Variants in LUC7L2 observed in about 807,000 individuals in gnomAD.
The protein encoded by LUC7L2 is putative RNA-binding protein Luc7-like 2.
In LUC7L2, 25 loss-of-function variants were observed where a neutral mutation model predicts 52.8. That is an observed-to-expected ratio of 0.47 (90% confidence interval 0.34 to 0.66). LUC7L2 has a LOEUF of 0.66. LUC7L2 is among the 30% of genes least tolerant of loss of function. The probability of loss-of-function intolerance (pLI) is 0.01; values close to 1 mark genes in which losing one functional copy is unlikely to be tolerated. For synonymous variants in LUC7L2, 144 were observed against 160.9 expected, an observed-to-expected ratio of 0.89 and a Z score of 0.80; for missense variants, 328 against 497.8, an observed-to-expected ratio of 0.66 and a Z score of 3.25.
At chr7:139,361,222 C>T (rs1394110942) in intron 1 of LUC7L2, among the ~76,000 whole-genome samples, 1 of 152,182 alleles carries the variant, frequency 6.6e-6, no homozygotes, top group Non-Finnish European at 1.5e-5. Context: ...AACTTAAATA[C>T]ATTCAAATAT....
chr7:139,376,861 A>C (rs1800738815), intron 2 of LUC7L2, among the ~76,000 whole-genome samples: 1 of 152,214 alleles, frequency 6.6e-6, no homozygotes, highest in Admixed American at 6.5e-5. Context: ...AGCTGGCTTT[A>C]GTTCTCATTT....
chr7:139,392,905 C>T (rs995667046), intron 2 of LUC7L2, among the ~76,000 whole-genome samples: 10 of 151,962 alleles, frequency 6.6e-5, no homozygotes, highest in Non-Finnish European at 1.3e-4. Context: ...CTGCCCGCCT[C>T]GGCCTCACAA....
At chr7:139,345,511 A>C in intron 1 of LUC7L2, 1 of 1,614,216 alleles carries the variant, frequency 6.2e-7, no homozygotes, top group African/African-American at 1.3e-5. Flanking sequence ...GTCACCAGTG[A>C]AAAGTTGTGC....
chr7:139,393,262 G>A (rs1470861263), intron 2 of LUC7L2, among the ~76,000 whole-genome samples: 1 of 151,842 alleles, frequency 6.6e-6, no homozygotes, highest in Admixed American at 6.6e-5. Flanking sequence ...GCGAGACTCT[G>A]TCTCCAAAAA....
upstream of LUC7L2, among the ~76,000 whole-genome samples, chr7:139,357,438 A>C (rs1413577552): frequency 6.6e-6 from 1 of 151,980 alleles, no homozygotes; most frequent in Non-Finnish European, 1.5e-5. Context: ...AAAATAAAAA[A>C]AAGAACTCAA....
At chr7:139,370,560 C>T (rs966703521) in intron 1 of LUC7L2, among the ~76,000 whole-genome samples, 14 of 152,166 alleles carry the variant, frequency 9.2e-5, no homozygotes, top group Admixed American at 2.6e-4. Flanking sequence ...CAGGTTCAAG[C>T]GATTCTCCCA....
chr7:139,388,438 G>A (rs1442176727), intron 2 of LUC7L2, among the ~76,000 whole-genome samples: 1 of 151,994 alleles, frequency 6.6e-6, no homozygotes, highest in Non-Finnish European at 1.5e-5. Flanking sequence ...GCAGCGTTAT[G>A]TATGCACAAT....
chr7:139,372,701 A>C (rs1800514714), intron 1 of LUC7L2, among the ~76,000 whole-genome samples: 2 of 152,098 alleles, frequency 1.3e-5, no homozygotes, highest in African/African-American at 4.8e-5. Flanking sequence ...GCATGTTGGG[A>C]GGCCGAGGTG....
At chr7:139,377,256 G>T (rs976494509) in intron 2 of LUC7L2, among the ~76,000 whole-genome samples, 5 of 151,952 alleles carry the variant, frequency 3.3e-5, no homozygotes, top group African/African-American at 4.8e-5. Context: ...CAGGCTTGGC[G>T]TGCAGTGGCG....
chr7:139,405,559 T>A, intron 4 of LUC7L2, 85 bp from the exon 5 acceptor site: 1 of 1,455,646 alleles, frequency 6.9e-7, no homozygotes, highest in Non-Finnish European at 9.1e-7. Context: ...AGATAACAAG[T>A]TTTTTCTCAG....
chr7:139,377,472 C>T (rs1273360588), intron 2 of LUC7L2, among the ~76,000 whole-genome samples: 1 of 152,140 alleles, frequency 6.6e-6, no homozygotes. Flanking sequence ...TGGCTTATTG[C>T]AGCCTCTGCC....
intron 8 of LUC7L2, among the ~76,000 whole-genome samples, chr7:139,415,776 T>G (rs1795569231): frequency 6.6e-6 from 1 of 151,894 alleles, no homozygotes; most frequent in Non-Finnish European, 1.5e-5. Context: ...GTGCTGGGAT[T>G]ACAGACACAA....
chr7:139,422,361 A>G lies in LUC7L2; in HGVS notation c.*21A>G, dbSNP rs1308114513. Reference sequence around the variant, plus strand: ...TCTAACTAGCTGTGTACATTTCTTCAGTCCTTAAGCTTCCTACGGAGTTAC... The same window carrying G: ...TCTAACTAGCTGTGTACATTTCTTCGGTCCTTAAGCTTCCTACGGAGTTAC... On this transcript the variant is annotated 3_prime_UTR_variant, in exon 10 of 10. Coordinates refer to ENST00000354926, the MANE Select transcript of LUC7L2 (RefSeq NM_016019.5). 6 of 1,595,352 alleles carry G rather than the reference A, an allele frequency of 3.8e-6. No homozygotes were observed. In the Admixed American group the frequency reaches 5.4e-5, roughly 14 times the overall value.
At chr7:139,419,476 T>C (rs1795788565) in intron 9 of LUC7L2, among the ~76,000 whole-genome samples, 1 of 152,254 alleles carries the variant, frequency 6.6e-6, no homozygotes, top group African/African-American at 2.4e-5. Context: ...CTACCCTCAG[T>C]GCAGTGTTCA....
chr7:139,347,231 A>T (rs1287900447), intron 1 of LUC7L2, among the ~76,000 whole-genome samples: 2 of 152,178 alleles, frequency 1.3e-5, no homozygotes, highest in African/African-American at 4.8e-5. Flanking sequence ...TGCATGTATT[A>T]AATGTTTTTG....
chr7:139,360,417 G>C, intron 1 of LUC7L2, 95 bp downstream of exon 1: 1 of 1,166,306 alleles, frequency 8.6e-7, no homozygotes, highest in Non-Finnish European at 1.2e-6. Context: ...GCGTGTGGCT[G>C]AGTAAGGGGC....
upstream of LUC7L2, among the ~76,000 whole-genome samples, chr7:139,355,109 C>T (rs1051143458): frequency 7.6e-5 from 9 of 118,720 alleles, no homozygotes; most frequent in African/African-American, 1.2e-4. Flanking sequence ...GATTCTCCTG[C>T]GTAGATCTCC....
Position 139,360,453 on chromosome 7 carries a change from C to A in LUC7L2, c.61+131C>A, listed in dbSNP as rs1007069471. Reference sequence around the variant, plus strand: ...TCCCAGATTGGTAACACGAGGTCCCCGTCCCCCGTCCCATCCAATCAGGGC... The same window carrying A: ...TCCCAGATTGGTAACACGAGGTCCCAGTCCCCCGTCCCATCCAATCAGGGC... On this transcript the variant is annotated intron_variant, in intron 1 of 9. Coordinates refer to ENST00000354926, the MANE Select transcript of LUC7L2 (RefSeq NM_016019.5). 3.5e-5 allele frequency: 26 copies of A among 739,614 alleles called. No homozygotes were observed. The Admixed American group carries it at 6.2e-4, about 18-fold the overall frequency. The allele number at this position is 739,614 out of a possible 1,614,324, so 45.8% of individuals were successfully genotyped here.
At chr7:139,374,346 G>T in intron 1 of LUC7L2, 1 of 1,312,384 alleles carries the variant, frequency 7.6e-7, no homozygotes. Flanking sequence ...GAAATTGCTG[G>T]CAGAGTTTAT....
Sources: gnomAD v4.1 joint callset for allele counts (sites outside exome capture counted in the v4.1 genomes callset) on GRCh38, gnomAD v4.1.1 for gene constraint, MANE v1.5 for transcripts, NCBI Gene and HGNC (gene_info 2026-07-23, HGNC 2026-07-21) for gene names.